ADAMTSL1: variants seen among roughly 807,000 people sequenced by gnomAD.
The protein encoded by ADAMTSL1 is ADAMTS like 1.
A neutral mutation model predicts 201.8 loss-of-function variants in ADAMTSL1; 126 were observed. The observed-to-expected ratio is 0.62, with a 90% CI of 0.54 to 0.72. ADAMTSL1 has a LOEUF of 0.72. ADAMTSL1 is among the 30% of genes least tolerant of loss of function. ADAMTSL1 has a pLI of 0.00. For synonymous variants in ADAMTSL1, 1,121 were observed against 903.4 expected (o/e 1.24, Z -4.32); for missense variants, 2,679 against 2,277.8 (o/e 1.18, Z -3.59).
chr9:18,824,300 A>ACC, intron 21 of ADAMTSL1, among the ~76,000 whole-genome samples: 1 of 151,784 alleles, frequency 6.6e-6, no homozygotes, highest in East Asian at 1.9e-4. Context: ...CAGCTGTTCC[A>ACC]CCCCTCACCT....
At chr9:17,934,304 A>G (rs2131327259) in intron 1 of ADAMTSL1, among the ~76,000 whole-genome samples, 1 of 152,280 alleles carries the variant, frequency 6.6e-6, no homozygotes, top group East Asian at 1.9e-4. Context: ...CACTTCCTCT[A>G]GAATTTCCAG....
intron 2 of ADAMTSL1, among the ~76,000 whole-genome samples, chr9:18,291,562 C>G (rs1398144346): frequency 6.6e-6 from 1 of 152,094 alleles, no homozygotes; most frequent in Non-Finnish European, 1.5e-5. Flanking sequence ...TCATAATTGC[C>G]TTATGTAGAC....
At chr9:18,635,019 C>T (rs1364844998) in intron 5 of ADAMTSL1, among the ~76,000 whole-genome samples, 2 of 148,338 alleles carry the variant, frequency 1.3e-5, no homozygotes, top group Non-Finnish European at 3.0e-5. Flanking sequence ...TTCTGAAGTG[C>T]CTTTCTATCC....
chr9:18,653,502 A>G (rs1177238140), intron 7 of ADAMTSL1, among the ~76,000 whole-genome samples: 1 of 152,132 alleles, frequency 6.6e-6, no homozygotes, highest in African/African-American at 2.4e-5. Context: ...TAGGTTGGGC[A>G]CAGTGGCTTA....
chr9:18,327,815 G>T (rs990269940), intron 2 of ADAMTSL1, among the ~76,000 whole-genome samples: 12 of 152,212 alleles, frequency 7.9e-5, no homozygotes, highest in Non-Finnish European at 1.3e-4. Flanking sequence ...GAAAAGAAAT[G>T]TTAGGCAGAA....
intron 20 of ADAMTSL1, among the ~76,000 whole-genome samples, chr9:18,812,287 G>A (rs9792651): frequency 0.41 from 62,186 of 151,938 alleles, 13,027 homozygotes; most frequent in East Asian, 0.65. Context: ...ACTGTGCCCA[G>A]CTAATTTTGA....
chr9:18,337,293 C>A (rs1835280378), intron 2 of ADAMTSL1, among the ~76,000 whole-genome samples: 1 of 152,240 alleles, frequency 6.6e-6, no homozygotes, highest in East Asian at 1.9e-4. Flanking sequence ...GGGCCTTCAG[C>A]CACAGACTGA....
At chr9:18,160,006 A>G (rs1438100582) in intron 1 of ADAMTSL1, among the ~76,000 whole-genome samples, 1 of 152,008 alleles carries the variant, frequency 6.6e-6, no homozygotes, top group African/African-American at 2.4e-5. Context: ...ATATTTACCT[A>G]TGTCCCTCTG....
intron 2 of ADAMTSL1, among the ~76,000 whole-genome samples, chr9:18,227,509 G>T (rs1414766019): frequency 6.6e-6 from 1 of 152,122 alleles, no homozygotes; most frequent in Non-Finnish European, 1.5e-5. Flanking sequence ...TCTTACCTTA[G>T]AAACAAGCTG....
intron 4 of ADAMTSL1, among the ~76,000 whole-genome samples, chr9:18,586,436 A>T (rs1031889088): frequency 6.6e-6 from 1 of 152,190 alleles, no homozygotes; most frequent in African/African-American, 2.4e-5. Flanking sequence ...GCTCAAAAAA[A>T]TCAGAGATAA....
chr9:18,103,167 G>A (rs1201192854), intron 1 of ADAMTSL1, among the ~76,000 whole-genome samples: 3 of 152,098 alleles, frequency 2.0e-5, no homozygotes, highest in Non-Finnish European at 4.4e-5. Context: ...TTGGTGATAT[G>A]TAACAAATTA....
chr9:18,479,288 T>C lies in ADAMTSL1; in HGVS notation c.63+4993T>C, dbSNP rs144041128. The stretch of plus-strand genomic sequence containing the variant: ...CTGGCCACGTCAAGAAGATGCCCAA[T>C]GGCTGTAATCTGCAGCCAACAGTGA... On this transcript the variant is annotated intron_variant, in intron 1 of 28. Coordinates refer to ENST00000380548, the MANE Select transcript of ADAMTSL1 (RefSeq NM_001040272.6). Among the ~76,000 whole-genome samples, 1,473 of 152,366 alleles carry C rather than the reference T, an allele frequency of 9.7e-3. 22 individuals are homozygous for C. Among genetic ancestry groups the C allele is most frequent in the African/African-American group, 0.033 (1,388 of 41,596 alleles).
At chr9:17,924,653 G>T (rs968171622) in intron 1 of ADAMTSL1, among the ~76,000 whole-genome samples, 1 of 149,320 alleles carries the variant, frequency 6.7e-6, no homozygotes, top group Admixed American at 6.8e-5. Context: ...CTAGCCATAT[G>T]TAGGAAGCTG....
chr9:17,962,375 G>T (rs1204147998), intron 1 of ADAMTSL1, among the ~76,000 whole-genome samples: 1 of 152,066 alleles, frequency 6.6e-6, no homozygotes, highest in Non-Finnish European at 1.5e-5. Context: ...TTTATCTCCG[G>T]TTTTGTGCAC....
At chr9:18,539,920 A>G (rs1820021275) in intron 3 of ADAMTSL1, among the ~76,000 whole-genome samples, 1 of 152,190 alleles carries the variant, frequency 6.6e-6, no homozygotes, top group Admixed American at 6.5e-5. Flanking sequence ...GCCTAGAAGT[A>G]CCACAAAAAA....
At chr9:17,941,631 A>G (rs1243043381) in intron 1 of ADAMTSL1, among the ~76,000 whole-genome samples, 1 of 152,138 alleles carries the variant, frequency 6.6e-6, no homozygotes, top group African/African-American at 2.4e-5. Context: ...GCTTTTGAGT[A>G]TAGAGTCGGG....
intron 23 of ADAMTSL1, among the ~76,000 whole-genome samples, chr9:18,850,240 G>C (rs1219497259): frequency 1.3e-5 from 2 of 152,188 alleles, no homozygotes; most frequent in Non-Finnish European, 2.9e-5. Context: ...TGCCCTCCCT[G>C]CCATGTCCAA....
At chr9:18,523,566 T>G (rs1177235981) in intron 2 of ADAMTSL1, among the ~76,000 whole-genome samples, 2 of 152,152 alleles carry the variant, frequency 1.3e-5, no homozygotes, top group Non-Finnish European at 2.9e-5. Context: ...AGGGTTTTTA[T>G]GGTTTTAGGT....
chr9:18,748,048 T>C (rs1358421012), intron 15 of ADAMTSL1, among the ~76,000 whole-genome samples: 1 of 152,210 alleles, frequency 6.6e-6, no homozygotes, highest in Admixed American at 6.5e-5. Context: ...GTTCAGGTAC[T>C]GGGCAGGGTC....
Sources: gnomAD v4.1 joint callset for allele counts (sites outside exome capture counted in the v4.1 genomes callset) on GRCh38, gnomAD v4.1.1 for gene constraint, MANE v1.5 for transcripts, NCBI Gene and HGNC (gene_info 2026-07-23, HGNC 2026-07-21) for gene names.